LNPEP: variants seen among roughly 807,000 people sequenced by gnomAD.
LNPEP encodes the protein leucyl-cystinyl aminopeptidase.
In LNPEP, 64 loss-of-function variants were observed where a neutral mutation model predicts 120.6. The observed-to-expected ratio is 0.53, with a 90% CI of 0.43 to 0.65. The LOEUF (loss-of-function observed/expected upper bound fraction) is 0.65, where lower values mean the gene tolerates loss of function less well. Among genes scored for constraint, LNPEP ranks in the 30% least tolerant of loss-of-function variants. LNPEP has a pLI of 0.00. For missense variants in LNPEP, 1,057 were observed against 1,200.0 expected, an observed-to-expected ratio of 0.88 and a Z score of 1.76; for synonymous variants, 435 against 425.4, an observed-to-expected ratio of 1.02 and a Z score of -0.28.
rs183437314 is a variant in LNPEP, at chr5:97,020,521, G to T, written c.2377-1779G>T. ...GGTTTTCTAAAGAATACCTAAAAAC[G>T]GCCAGGTATGGTGGCTCACGCCCGT... On this transcript the variant is annotated intron_variant, in intron 13 of 17. Coordinates refer to ENST00000231368, the MANE Select transcript of LNPEP (RefSeq NM_005575.3). Among the ~76,000 whole-genome samples, 10 of 152,162 alleles carry T rather than the reference G, an allele frequency of 6.6e-5. No individual in the cohort carries two copies. The East Asian group carries it at 1.7e-3, about 26-fold the overall frequency.
chr5:96,988,641 C>T (rs1167294338), intron 4 of LNPEP, among the ~76,000 whole-genome samples: 2 of 151,918 alleles, frequency 1.3e-5, no homozygotes, highest in Non-Finnish European at 2.9e-5. Flanking sequence ...GACAGGGTCT[C>T]ACTCTGCCAC....
At chr5:96,988,963 G>A (rs1285523211) in intron 4 of LNPEP, among the ~76,000 whole-genome samples, 2 of 152,010 alleles carry the variant, frequency 1.3e-5, no homozygotes, top group African/African-American at 4.8e-5. Context: ...ATCTAGGCAA[G>A]CTGAATTATT....
chr5:96,963,224 T>C (rs1332576572), intron 1 of LNPEP, among the ~76,000 whole-genome samples: 1 of 152,204 alleles, frequency 6.6e-6, no homozygotes, highest in Non-Finnish European at 1.5e-5. Flanking sequence ...AAAACATTAA[T>C]TGTGATAATA....
Position 96,988,903 on chromosome 5 carries a change from C to T in LNPEP, c.1131+2233C>T, listed in dbSNP as rs187992745. Among the ~76,000 whole-genome samples, 15 of 152,162 alleles carry T rather than the reference C, an allele frequency of 9.9e-5. No individual in the cohort carries two copies. The East Asian group carries it at 2.7e-3, about 27-fold the overall frequency. The stretch of plus-strand genomic sequence containing the variant: ...GCTGAGATTACAGGTTTAAACCATA[C>T]TTCTGGCAAATTCAGCTATATTTCT... On this transcript the variant is annotated intron_variant, in intron 4 of 17. Transcript: ENST00000231368.
At chr5:97,026,919 A>G (rs574370842) in intron 16 of LNPEP, among the ~76,000 whole-genome samples, 162 bp downstream of exon 16, 11 of 152,356 alleles carry the variant, frequency 7.2e-5, no homozygotes, top group African/African-American at 2.2e-4. Context: ...ATTTGTTAAC[A>G]TAATTCCATA....
At chr5:96,937,433 G>T (rs1289314841) in intron 1 of LNPEP, 1 of 152,088 alleles carries the variant, frequency 6.6e-6, no homozygotes, top group South Asian at 2.1e-4. Flanking sequence ...TCTCATTCAG[G>T]TTCTATTTGT....
chr5:97,014,800 A>C (rs1439713534), intron 12 of LNPEP, 139 bp from the exon 13 acceptor site: 1 of 440,486 alleles, frequency 2.3e-6, no homozygotes, highest in African/African-American at 2.0e-5. Flanking sequence ...TATTTAGCTT[A>C]ACTTTACAAA....
chr5:96,956,759 C>T (rs548266486), intron 1 of LNPEP, among the ~76,000 whole-genome samples: 125 of 152,256 alleles, frequency 8.2e-4, no homozygotes, highest in African/African-American at 2.7e-3. Flanking sequence ...TCTGGGACTC[C>T]GACTGCATAT....
chr5:96,956,932 C>T (rs1789482957), intron 1 of LNPEP, among the ~76,000 whole-genome samples: 1 of 152,032 alleles, frequency 6.6e-6, no homozygotes, highest in Non-Finnish European at 1.5e-5. Context: ...TCAGGCCATT[C>T]AGTGAATTTT....
At chr5:96,960,308 A>G (rs1789569628) in intron 1 of LNPEP, among the ~76,000 whole-genome samples, 1 of 152,228 alleles carries the variant, frequency 6.6e-6, no homozygotes, top group South Asian at 2.1e-4. Context: ...AGAAATGTTT[A>G]CTGACTAATA....
At chr5:96,984,753 G>A (rs937796092) in intron 2 of LNPEP, among the ~76,000 whole-genome samples, 2 of 152,150 alleles carry the variant, frequency 1.3e-5, no homozygotes, top group South Asian at 2.1e-4. Context: ...ACTCTTTCCA[G>A]AGTATACTTT....
chr5:97,018,184 A>G (rs1458224675), intron 13 of LNPEP, among the ~76,000 whole-genome samples: 2 of 152,078 alleles, frequency 1.3e-5, no homozygotes, highest in Non-Finnish European at 2.9e-5. Flanking sequence ...CATATCACTC[A>G]CTTTTTTTCA....
intron 11 of LNPEP, among the ~76,000 whole-genome samples, chr5:97,006,825 C>T (rs1370864196): frequency 1.2e-4 from 18 of 152,152 alleles, no homozygotes; most frequent in Non-Finnish European, 1.5e-5. Context: ...CTTAAAGTAT[C>T]CTCTGCTATC....
chr5:97,023,642 T>C (rs892724938), intron 14 of LNPEP, among the ~76,000 whole-genome samples: 4 of 152,218 alleles, frequency 2.6e-5, no homozygotes, highest in Non-Finnish European at 5.9e-5. Context: ...GATAGACCTT[T>C]GTGCTGCTTG....
At position 96,996,388 on chromosome 5, in the gene LNPEP, A is replaced by AG. The variant is rs758645587; in HGVS notation, c.1408-1dup. 6.5e-7 allele frequency: 1 copy of AG among 1,531,026 alleles called. No individual in the cohort carries two copies. The highest frequency in any genetic ancestry group is 1.4e-5 in the African/African-American group (1 of 72,912). 94.8% of individuals were successfully genotyped at this position (1,531,026 alleles called of 1,614,324 possible). ...TGGGTTAATTGTTTTCTCTCCCCCC[A>AG]GTGGTTTGGCAATCTGGTAACAATG... On this transcript the variant is annotated splice_acceptor_variant, in intron 6 of 17. Transcript: ENST00000231368. LOFTEE classifies it high-confidence loss of function.
intron 11 of LNPEP, among the ~76,000 whole-genome samples, chr5:97,008,627 C>T (rs1224243435): frequency 3.4e-5 from 5 of 146,046 alleles, no homozygotes; most frequent in East Asian, 2.0e-4. Context: ...GTTGGGATTA[C>T]AGGCATGAGC....
chr5:97,010,626 G>A (rs949530265), intron 11 of LNPEP: 24 of 984,886 alleles, frequency 2.4e-5, no homozygotes, highest in African/African-American at 1.9e-4. Context: ...GTTGATTTTC[G>A]TAGCTCATTG....
intron 4 of LNPEP, among the ~76,000 whole-genome samples, chr5:96,991,588 G>A (rs1472473120): frequency 6.6e-6 from 1 of 152,088 alleles, no homozygotes; most frequent in Non-Finnish European, 1.5e-5. Flanking sequence ...CCAAATGCTT[G>A]TTGTCTATTT....
At chr5:97,021,923 GTTT>G (rs1165456605) in intron 13 of LNPEP, among the ~76,000 whole-genome samples, 7 of 57,168 alleles carry the variant, frequency 1.2e-4, no homozygotes, top group African/African-American at 3.8e-4. Flanking sequence ...TTTGTCTTTT[GTTT>G]TTTTTTTTTT....
Sources: gnomAD v4.1 joint callset for allele counts (sites outside exome capture counted in the v4.1 genomes callset) on GRCh38, gnomAD v4.1.1 for gene constraint, MANE v1.5 for transcripts, NCBI Gene and HGNC (gene_info 2026-07-23, HGNC 2026-07-21) for gene names.